The following IQCF1 variants were observed in gnomAD, a reference collection of about 807,000 sequenced individuals.
IQCF1 encodes IQ motif containing F1.
Under a neutral mutation model 12.5 loss-of-function variants are expected in IQCF1, and 9 were observed. That is an observed-to-expected ratio of 0.72 (90% CI 0.43 to 1.26). The LOEUF is 1.26. Ranked by LOEUF, IQCF1 falls within the 50% of genes most tolerant of loss-of-function variation. IQCF1 has a pLI of 0.00. For synonymous variants in IQCF1, 67 were observed against 96.2 expected (o/e 0.70, Z 1.78); for missense variants, 252 against 257.4 (o/e 0.98, Z 0.14).
At chr3:51,896,550 C>G (rs1171418523) in intron 3 of IQCF1, among the ~76,000 whole-genome samples, 1 of 152,030 alleles carries the variant, frequency 6.6e-6, no homozygotes, top group African/African-American at 2.4e-5. Flanking sequence ...ACTCTTTTTT[C>G]TTTCCGTCAA....
chr3:51,903,293 G>C lies in IQCF1; in HGVS notation c.-21C>G. 6.2e-7 allele frequency: 1 copy of C among 1,613,822 alleles called. No individual in the cohort carries two copies. The highest frequency in any genetic ancestry group is 1.6e-4 in the Middle Eastern group (1 of 6,062). On this transcript the variant is annotated 5_prime_UTR_variant, in exon 1 of 4. Transcript: ENST00000310914. ...ACCATTGGTCACATATGGATTGATT[G>C]TAGATGGTTCAAATCCCCTCACATC...
In IQCF1 at chr3:51,895,241, C is replaced by T; in HGVS notation, c.267G>A (p.Leu89=). ...TGATGCAGGCACTGAGGGCTGCGTG[C>T]AACAGTGCCCGACGCACCAGGGTGC... ...WRGTLVRRAL[L]HAALSACIIQ... Residue 89 remains leucine (L), a synonymous_variant, in exon 4 of 4, where the codon TTG becomes TTA. Coordinates refer to ENST00000310914, the MANE Select transcript of IQCF1 (RefSeq NM_152397.3). The surrounding 1 kb of genome is among the most constrained non-coding windows in gnomAD (Gnocchi z 4.8). 1 of 1,614,194 alleles carries T rather than the reference C, an allele frequency of 6.2e-7. No individual in the cohort carries two copies. The highest frequency in any genetic ancestry group is 1.1e-5 in the South Asian group (1 of 91,082).
intron 3 of IQCF1, among the ~76,000 whole-genome samples, chr3:51,896,209 C>G (rs1295527012): frequency 6.6e-6 from 1 of 152,218 alleles, no homozygotes; most frequent in Non-Finnish European, 1.5e-5. Context: ...AATCTTTTAT[C>G]TTAACCCAAA....
At chr3:51,897,881 C>T (rs1699029459) in intron 2 of IQCF1, among the ~76,000 whole-genome samples, 1 of 152,170 alleles carries the variant, frequency 6.6e-6, no homozygotes, top group South Asian at 2.1e-4. Flanking sequence ...GGGATTTATA[C>T]CAGCACGCCA....
Position 51,895,411 on chromosome 3 carries a change from C to T in IQCF1, c.172-75G>A, listed in dbSNP as rs1232731442. 1.6e-6 allele frequency: 2 copies of T among 1,285,144 alleles called. No individual in the cohort carries two copies. The highest frequency in any genetic ancestry group is 1.1e-6 in the Non-Finnish European group (1 of 928,478). The allele number at this position is 1,285,144 out of a possible 1,614,324, so 79.6% of individuals were successfully genotyped here. On this transcript the variant is annotated intron_variant, in intron 3 of 3. Transcript: ENST00000310914. This position sits in a 1 kb window ranked among gnomAD's most constrained non-coding sequence, Gnocchi z 4.8. ...AGCTCTGGGGTGTGCCAGGAAAGGCCCTGATTCCCTATCAGCAACTGTCTC... is the reference window on the plus strand; with the variant it reads ...AGCTCTGGGGTGTGCCAGGAAAGGCTCTGATTCCCTATCAGCAACTGTCTC...
In IQCF1 at chr3:51,895,908, C is replaced by A. The variant is rs1698997813; in HGVS notation, c.172-572G>T. Among the ~76,000 whole-genome samples the A allele has an allele frequency of 6.6e-6, 1 of 152,158 alleles. No homozygotes were observed. Among genetic ancestry groups the A allele is most frequent in the Non-Finnish European group, 1.5e-5 (1 of 68,032 alleles). ...CTCATCAGATGGGTTTTATTTAACC[C>A]TATATATTGTGACTGATTTTCAAAC... On this transcript the variant is annotated intron_variant, in intron 3 of 3. Coordinates refer to ENST00000310914, the MANE Select transcript of IQCF1 (RefSeq NM_152397.3). The surrounding 1 kb of genome is among the most constrained non-coding windows in gnomAD (Gnocchi z 4.8).
chr3:51,901,501 G>A (rs931751242), intron 2 of IQCF1, among the ~76,000 whole-genome samples: 2 of 152,212 alleles, frequency 1.3e-5, no homozygotes, highest in Non-Finnish European at 2.9e-5. Flanking sequence ...GATGTGTGGT[G>A]GTATTGTGGT....
At chr3:51,899,700 C>T (rs757830650) in intron 2 of IQCF1, among the ~76,000 whole-genome samples, 1 of 152,100 alleles carries the variant, frequency 6.6e-6, no homozygotes. Flanking sequence ...AAAGCATTAA[C>T]CTGCTCTTTA....
rs573353867 is a variant in IQCF1, at chr3:51,896,562, A to T, written c.171+270T>A. ...TCAACTCTTTTTTCTTTCCGTCAAC[A>T]TGTCATAGTATTAAAAGTTCCTCCA... On this transcript the variant is annotated intron_variant, in intron 3 of 3. Coordinates refer to ENST00000310914, the MANE Select transcript of IQCF1 (RefSeq NM_152397.3). Among the ~76,000 whole-genome samples, 6 of 152,184 alleles carry T rather than the reference A, an allele frequency of 3.9e-5. No individual in the cohort carries two copies. In the South Asian group the frequency reaches 1.2e-3, roughly 32 times the overall value.
At position 51,903,022 on chromosome 3, in the gene IQCF1, G is replaced by T. The variant is rs1306707652; in HGVS notation, c.71C>A (p.Pro24Gln). The change falls in exon 2 of 4, where the codon CCA becomes CAA. Residue 24 changes from proline (P) to glutamine (Q), a missense_variant. Physicochemically the swap from Pro to Gln is moderately conservative, Grantham distance 76. Coordinates refer to ENST00000310914, the MANE Select transcript of IQCF1 (RefSeq NM_152397.3). ...CTCTGCTCCTAAGGACAAATGGGTTGGCATCTCCTTCTGCTGAGGCTCATC... is the reference window on the plus strand; with the variant it reads ...CTCTGCTCCTAAGGACAAATGGGTTTGCATCTCCTTCTGCTGAGGCTCATC... ...KEDEPQQKEMPTHLSLGAESK... is the reference protein window; with the variant it reads ...KEDEPQQKEMQTHLSLGAESK... 9.3e-6 allele frequency: 15 copies of T among 1,614,016 alleles called. No individual in the cohort carries two copies. The highest frequency in any genetic ancestry group is 1.3e-5 in the Non-Finnish European group (15 of 1,180,026).
intron 2 of IQCF1, among the ~76,000 whole-genome samples, chr3:51,899,088 AGT>A (rs1198661340): frequency 2.6e-5 from 4 of 152,236 alleles, no homozygotes; most frequent in Non-Finnish European, 5.9e-5. Context: ...GAAAGTTAAC[AGT>A]GTAACATGTA....
intron 2 of IQCF1, among the ~76,000 whole-genome samples, chr3:51,897,806 C>T (rs1699028793): frequency 1.3e-5 from 2 of 152,192 alleles, no homozygotes; most frequent in South Asian, 2.1e-4. Context: ...TACTGCTCGA[C>T]GGAGTGAGTG....
chr3:51,896,771 A>T, intron 3 of IQCF1, 61 bp downstream of exon 3: 1 of 1,287,998 alleles, frequency 7.8e-7, no homozygotes, highest in Non-Finnish European at 1.1e-6. Flanking sequence ...TGGTCATTCC[A>T]TTCCACCAGC....
chr3:51,896,043 A>G (rs2106639864), intron 3 of IQCF1, among the ~76,000 whole-genome samples: 1 of 152,294 alleles, frequency 6.6e-6, no homozygotes, highest in South Asian at 2.1e-4. Context: ...TGTGGAGGAA[A>G]ATTTGCATCT....
chr3:51,903,045 ATCT>A lies in IQCF1; in HGVS notation c.45_47del (p.Glu15del). 1 of 1,614,084 alleles carries A rather than the reference ATCT, an allele frequency of 6.2e-7. No homozygotes were observed. Among genetic ancestry groups the A allele is most frequent in the Non-Finnish European group, 8.5e-7 (1 of 1,180,018 alleles). ...TTGGCATCTCCTTCTGCTGAGGCTC[ATCT>A]TCTTTTGAGGGTTCCTTCGTCTTTT... On this transcript the variant is annotated inframe_deletion, in exon 2 of 4. Transcript: ENST00000310914.
chr3:51,899,346 T>C (rs1699049662), intron 2 of IQCF1, among the ~76,000 whole-genome samples: 1 of 152,080 alleles, frequency 6.6e-6, no homozygotes, highest in Admixed American at 6.5e-5. Context: ...GTGAAAGTCA[T>C]GAAAAAAAAG....
intron 2 of IQCF1, among the ~76,000 whole-genome samples, chr3:51,898,417 C>T (rs560917312): frequency 1.3e-5 from 2 of 152,358 alleles, no homozygotes; most frequent in South Asian, 2.1e-4. Flanking sequence ...TAAACAAGGG[C>T]GTAGCCCGAA....
At position 51,896,852 on chromosome 3, in the gene IQCF1, C is replaced by G. The variant is rs1297941713; in HGVS notation, c.151G>C (p.Ala51Pro). The G allele has an allele frequency of 6.2e-7, 1 of 1,613,404 alleles. No individual in the cohort carries two copies. The highest frequency in any genetic ancestry group is 1.1e-5 in the South Asian group (1 of 91,060). Residue 51 changes from alanine to proline, a missense_variant, in exon 3 of 4, where the codon GCC becomes CCC. Ala to Pro is a conservative substitution (Grantham distance 27). Transcript: ENST00000310914. The part of the protein sequence containing the change: ...VLVETQTVDN[A>P]NEKSEKPPEN... ...CATACTTTTTCTGATTTCTCATTGGCATTGTCCACTGTCTGTGTCTCAACC... is the reference window on the plus strand; with the variant it reads ...CATACTTTTTCTGATTTCTCATTGGGATTGTCCACTGTCTGTGTCTCAACC...
chr3:51,896,738 A>G, intron 3 of IQCF1, 94 bp downstream of exon 3: 1 of 957,434 alleles, frequency 1.0e-6, no homozygotes, highest in Non-Finnish European at 1.7e-6. Flanking sequence ...CATACTTCTA[A>G]CTGAGCCCAG....
Sources: allele counts gnomAD v4.1 joint callset (sites outside exome capture counted in the v4.1 genomes callset), GRCh38; gene constraint gnomAD v4.1.1; non-coding constraint Gnocchi (gnomAD v3.1); transcripts MANE v1.5; gene names NCBI Gene and HGNC (gene_info 2026-07-23, HGNC 2026-07-21).